NCEH1: variants seen among roughly 807,000 people sequenced by gnomAD.
NCEH1 encodes the protein 2-acetyl MAGE hydrolase.
In NCEH1, 9 loss-of-function variants were observed where a neutral mutation model predicts 25.4. The ratio of observed to expected loss-of-function variants is 0.35; its 90% confidence interval spans 0.21 to 0.62. NCEH1 has a LOEUF of 0.62. NCEH1 is among the 20% of genes least tolerant of loss of function. The probability of loss-of-function intolerance (pLI) is 0.72; values close to 1 mark genes in which losing one functional copy is unlikely to be tolerated. For synonymous variants in NCEH1, 200 were observed against 199.8 expected, an observed-to-expected ratio of 1.00 and a Z score of -0.01; for missense variants, 412 against 501.1, an observed-to-expected ratio of 0.82 and a Z score of 1.70.
chr3:172,699,235 C>T (rs1282273854), intron 1 of NCEH1, among the ~76,000 whole-genome samples: 2 of 152,196 alleles, frequency 1.3e-5, no homozygotes, highest in African/African-American at 4.8e-5. Flanking sequence ...GGGAGGGCAT[C>T]TGGGACAGAG....
intron 1 of NCEH1, among the ~76,000 whole-genome samples, chr3:172,666,457 C>T (rs983403100): frequency 1.3e-5 from 2 of 152,176 alleles, no homozygotes; most frequent in Non-Finnish European, 2.9e-5. Context: ...CTGCCACACA[C>T]CAAGTTTCTG....
chr3:172,709,623 C>G (rs1714192090), intron 1 of NCEH1, among the ~76,000 whole-genome samples: 1 of 152,100 alleles, frequency 6.6e-6, no homozygotes, highest in African/African-American at 2.4e-5. Context: ...CAAATCCACG[C>G]TAGGAATGTG....
intron 1 of NCEH1, among the ~76,000 whole-genome samples, chr3:172,688,410 T>A (rs1305550694): frequency 6.6e-6 from 1 of 151,706 alleles, no homozygotes; most frequent in Non-Finnish European, 1.5e-5. Context: ...CTTCTCAAGC[T>A]GACGCACTTG....
intron 4 of NCEH1, among the ~76,000 whole-genome samples, chr3:172,634,346 C>T (rs945112418): frequency 1.3e-5 from 2 of 152,144 alleles, no homozygotes; most frequent in Non-Finnish European, 2.9e-5. Context: ...GAACCCTGTA[C>T]TTGTATCTAT....
chr3:172,646,464 A>C (rs1447594863), intron 2 of NCEH1, among the ~76,000 whole-genome samples: 1 of 152,246 alleles, frequency 6.6e-6, no homozygotes, highest in Non-Finnish European at 1.5e-5. Flanking sequence ...ACACGTAAAA[A>C]ACTAGAATTT....
At chr3:172,657,353 CT>C (rs1717742655) in intron 1 of NCEH1, among the ~76,000 whole-genome samples, 1 of 152,166 alleles carries the variant, frequency 6.6e-6, no homozygotes, top group Non-Finnish European at 1.5e-5. Flanking sequence ...TTCTCCACCC[CT>C]AGAGCAATTA....
At chr3:172,661,429 T>C (rs1311647610) in intron 1 of NCEH1, among the ~76,000 whole-genome samples, 2 of 152,234 alleles carry the variant, frequency 1.3e-5, no homozygotes, top group Non-Finnish European at 2.9e-5. Context: ...CTTTGTTCTT[T>C]TGGCTTAGGA....
chr3:172,643,704 T>C (rs1036244639), intron 3 of NCEH1, among the ~76,000 whole-genome samples: 5 of 152,148 alleles, frequency 3.3e-5, no homozygotes, highest in Non-Finnish European at 5.9e-5. Context: ...TGTGGCCAAA[T>C]AGTGATATTG....
At chr3:172,640,751 C>T (rs1716813356) in intron 3 of NCEH1, among the ~76,000 whole-genome samples, 2 of 152,150 alleles carry the variant, frequency 1.3e-5, no homozygotes, top group Admixed American at 1.3e-4. Context: ...TCGTGATCCG[C>T]TCGCCTCAGC....
At position 172,647,664 on chromosome 3, in the gene NCEH1, C is replaced by T. The variant is rs540059830; in HGVS notation, c.367+222G>A. Among the ~76,000 whole-genome samples the T allele has an allele frequency of 2.6e-5, 4 of 152,292 alleles. No individual in the cohort carries two copies. The South Asian group carries it at 6.2e-4, about 24-fold the overall frequency. ...CAAACTAACAAGCAAAAAACCTTTACAAAGGATAACCATTTAATTTATCAC... is the reference window on the plus strand; with the variant it reads ...CAAACTAACAAGCAAAAAACCTTTATAAAGGATAACCATTTAATTTATCAC... On this transcript the variant is annotated intron_variant, in intron 2 of 4. Transcript: ENST00000475381.
At chr3:172,640,445 C>T (rs1036048258) in intron 3 of NCEH1, among the ~76,000 whole-genome samples, 3 of 152,098 alleles carry the variant, frequency 2.0e-5, no homozygotes, top group African/African-American at 7.2e-5. Flanking sequence ...TCTACTGTTG[C>T]ATCACAAGGT....
chr3:172,659,101 T>C (rs776003791), intron 1 of NCEH1, among the ~76,000 whole-genome samples: 3 of 152,106 alleles, frequency 2.0e-5, no homozygotes, highest in Non-Finnish European at 2.9e-5. Context: ...CCAAGCATTC[T>C]GGCTCCAAAA....
chr3:172,700,540 G>A (rs1713622345), intron 1 of NCEH1, among the ~76,000 whole-genome samples: 1 of 152,172 alleles, frequency 6.6e-6, no homozygotes, highest in Admixed American at 6.5e-5. Flanking sequence ...TTAAGAGACA[G>A]GGTCTTGCTC....
At chr3:172,689,459 G>A (rs1457006730) in intron 1 of NCEH1, among the ~76,000 whole-genome samples, 1 of 151,258 alleles carries the variant, frequency 6.6e-6, no homozygotes, top group Non-Finnish European at 1.5e-5. Context: ...ATTGGCCAGG[G>A]TGGTCTCAAA....
At chr3:172,671,528 C>T (rs5017542) in intron 1 of NCEH1, among the ~76,000 whole-genome samples, 12 of 137,042 alleles carry the variant, frequency 8.8e-5, no homozygotes, top group African/African-American at 2.7e-4. Context: ...CACACACACA[C>T]ATATATAGAT....
rs140089412 is a variant in NCEH1, at chr3:172,645,150, C to T, written c.437+473G>A. On this transcript the variant is annotated intron_variant, in intron 3 of 4. Transcript: ENST00000475381. ...GTGGCTTATACAGAACTGACAGAGA[C>T]AACCCAAAATATTAATATTACTACT... Among the ~76,000 whole-genome samples the T allele has an allele frequency of 2.5e-3, 377 of 152,186 alleles. 1 individual carries two copies. Among genetic ancestry groups the T allele is most frequent in the Non-Finnish European group, 4.4e-3 (300 of 68,016 alleles).
intron 1 of NCEH1, chr3:172,703,177 G>C (rs1713790714): frequency 1.3e-5 from 2 of 152,120 alleles, no homozygotes; most frequent in South Asian, 4.1e-4. Context: ...GAGAGGACTA[G>C]CATGCCCCTG....
chr3:172,641,269 G>A (rs546162552), intron 3 of NCEH1, among the ~76,000 whole-genome samples: 19 of 152,182 alleles, frequency 1.2e-4, no homozygotes, highest in African/African-American at 4.3e-4. Flanking sequence ...AATACTTATT[G>A]TGCAATTAAT....
At chr3:172,709,162 TGG>T (rs1714167962) in intron 1 of NCEH1, among the ~76,000 whole-genome samples, 2 of 152,246 alleles carry the variant, frequency 1.3e-5, no homozygotes, top group African/African-American at 4.8e-5. Context: ...CTTAATGGGC[TGG>T]CAAGCCTAGC....
Sources: gnomAD v4.1 joint callset for allele counts (sites outside exome capture counted in the v4.1 genomes callset) on GRCh38, gnomAD v4.1.1 for gene constraint, MANE v1.5 for transcripts, NCBI Gene and HGNC (gene_info 2026-07-23, HGNC 2026-07-21) for gene names.